Variants in PTPRD observed in about 807,000 individuals in gnomAD.
PTPRD encodes receptor-type tyrosine-protein phosphatase delta.
In PTPRD, 34 loss-of-function variants were observed where a neutral mutation model predicts 214.5. That is an observed-to-expected ratio of 0.16 (90% CI 0.12 to 0.21). PTPRD has a LOEUF of 0.21. Ranked by LOEUF, PTPRD falls within the 10% of genes least tolerant of loss-of-function variation. PTPRD has a pLI of 1.00. For synonymous variants in PTPRD, 1,128 were observed against 845.7 expected, an observed-to-expected ratio of 1.33 and a Z score of -5.79; for missense variants, 2,545 against 2,398.7, an observed-to-expected ratio of 1.06 and a Z score of -1.27.
At chr9:8,648,127 G>C (rs1564966559) in intron 12 of PTPRD, among the ~76,000 whole-genome samples, 1 of 152,206 alleles carries the variant, frequency 6.6e-6, no homozygotes, top group Admixed American at 6.5e-5. Context: ...GGTCAGAGCA[G>C]AAAAGTGGAA....
intron 3 of PTPRD, among the ~76,000 whole-genome samples, chr9:10,233,654 A>C (rs1453991844): frequency 6.6e-6 from 1 of 152,006 alleles, no homozygotes; most frequent in Non-Finnish European, 1.5e-5. Context: ...TCTACAGTTC[A>C]GTATATAGAC....
rs1324523210 is a variant in PTPRD at position 8,328,999 on chromosome 9, G to A, written c.5534+2583C>T. Reference sequence around the variant, plus strand: ...ATGGTCCCTTAGCTCGGAGGAGTTTGTTATTACCCACGTTCTGAAGCTGAC... The same window carrying A: ...ATGGTCCCTTAGCTCGGAGGAGTTTATTATTACCCACGTTCTGAAGCTGAC... On this transcript the variant is annotated intron_variant, in intron 44 of 45. Coordinates refer to ENST00000381196, the MANE Select transcript of PTPRD (RefSeq NM_002839.4). Among the ~76,000 whole-genome samples, 8 of 152,090 alleles carry A rather than the reference G, an allele frequency of 5.3e-5. No homozygotes were observed. The South Asian group carries it at 1.5e-3, about 28-fold the overall frequency.
intron 23 of PTPRD, 41 bp downstream of exon 23, chr9:8,504,220 G>C (rs2097487914): frequency 6.8e-6 from 11 of 1,608,786 alleles, no homozygotes; most frequent in Non-Finnish European, 9.4e-6. Context: ...ATCTCCCCGA[G>C]GAAATAAAAA....
intron 2 of PTPRD, among the ~76,000 whole-genome samples, chr9:10,395,114 A>G (rs994021411): frequency 2.1e-4 from 32 of 151,036 alleles, no homozygotes; most frequent in Middle Eastern, 3.5e-3. Flanking sequence ...TATTATTATT[A>G]TTATACTTAA....
rs543526000 is a variant in PTPRD, at chr9:10,571,538, C to A, written c.-600+40860G>T. Among the ~76,000 whole-genome samples the A allele has an allele frequency of 2.6e-5, 4 of 152,234 alleles. No individual in the cohort carries two copies. The East Asian group carries it at 5.8e-4, about 22-fold the overall frequency. On this transcript the variant is annotated intron_variant, in intron 2 of 45. Coordinates refer to ENST00000381196, the MANE Select transcript of PTPRD (RefSeq NM_002839.4). ...GTTCCCTTACTTATTGGATGACAGACCTTGGAACTGTATTGTTTTCTGTGA... is the reference window on the plus strand; with the variant it reads ...GTTCCCTTACTTATTGGATGACAGAACTTGGAACTGTATTGTTTTCTGTGA...
chr9:8,718,321 G>C (rs909142866), intron 12 of PTPRD, among the ~76,000 whole-genome samples: 9 of 152,156 alleles, frequency 5.9e-5, no homozygotes, highest in Admixed American at 2.6e-4. Flanking sequence ...AGAGAAACTA[G>C]ATCTCAGAAC....
intron 9 of PTPRD, among the ~76,000 whole-genome samples, chr9:9,201,538 C>T (rs2099941840): frequency 6.6e-6 from 1 of 151,720 alleles, no homozygotes; most frequent in African/African-American, 2.4e-5. Context: ...GAATAGAGTA[C>T]TATATTATAG....
At chr9:10,099,224 A>G (rs2098526868) in intron 3 of PTPRD, among the ~76,000 whole-genome samples, 1 of 151,754 alleles carries the variant, frequency 6.6e-6, no homozygotes, top group African/African-American at 2.4e-5. Context: ...CTTCATGGGT[A>G]CAAACCCAGA....
intron 4 of PTPRD, among the ~76,000 whole-genome samples, chr9:10,014,829 C>T (rs2096669577): frequency 6.6e-6 from 1 of 151,990 alleles, no homozygotes; most frequent in African/African-American, 2.4e-5. Flanking sequence ...GTGGTTATTT[C>T]TATATTTAAT....
intron 22 of PTPRD, among the ~76,000 whole-genome samples, chr9:8,504,920 C>T (rs1307795856): frequency 2.6e-5 from 4 of 152,082 alleles, no homozygotes; most frequent in South Asian, 2.1e-4. Context: ...CAGGAGGTTG[C>T]TATAAAAGAG....
intron 9 of PTPRD, among the ~76,000 whole-genome samples, chr9:9,324,914 A>G (rs997611286): frequency 2.6e-5 from 4 of 152,214 alleles, no homozygotes; most frequent in African/African-American, 9.6e-5. Context: ...ACGTATGGCT[A>G]GCCAGTTTTC....
intron 11 of PTPRD, among the ~76,000 whole-genome samples, chr9:8,853,412 A>AT (rs1421788690): frequency 6.6e-6 from 1 of 152,230 alleles, no homozygotes; most frequent in East Asian, 1.9e-4. Flanking sequence ...ATCCATTTTT[A>AT]TTTTTTTAAA....
chr9:8,401,057 T>C (rs1045805952), intron 36 of PTPRD, among the ~76,000 whole-genome samples: 2 of 152,212 alleles, frequency 1.3e-5, no homozygotes, highest in African/African-American at 4.8e-5. Flanking sequence ...CTTTGGATTC[T>C]ACAAGTTTAG....
intron 10 of PTPRD, among the ~76,000 whole-genome samples, chr9:9,072,631 TAGTC>T (rs2154410936): frequency 6.6e-6 from 1 of 152,322 alleles, no homozygotes; most frequent in South Asian, 2.1e-4. Context: ...CTATTCTACA[TAGTC>T]AGTATCTATC....
At chr9:8,805,715 G>T (rs962712551) in intron 11 of PTPRD, among the ~76,000 whole-genome samples, 14 of 151,474 alleles carry the variant, frequency 9.2e-5, no homozygotes, top group African/African-American at 3.4e-4. Context: ...AAATTCTCCT[G>T]CTGGGCACGG....
At chr9:9,699,779 C>T (rs2097456146) in intron 7 of PTPRD, among the ~76,000 whole-genome samples, 1 of 152,076 alleles carries the variant, frequency 6.6e-6, no homozygotes, top group African/African-American at 2.4e-5. Context: ...AAGCAAGAAG[C>T]CATGAAGTAC....
At chr9:8,417,185 T>C (rs747161451) in intron 35 of PTPRD, among the ~76,000 whole-genome samples, 3 of 152,174 alleles carry the variant, frequency 2.0e-5, no homozygotes, top group Non-Finnish European at 4.4e-5. Flanking sequence ...AATATATCGT[T>C]AGATTCTAAC....
At chr9:8,706,434 C>T (rs978391365) in intron 12 of PTPRD, among the ~76,000 whole-genome samples, 4 of 152,186 alleles carry the variant, frequency 2.6e-5, no homozygotes, top group African/African-American at 9.7e-5. Context: ...CACATTTCAG[C>T]AGCTAAAGAC....
chr9:10,038,426 A>C (rs1263143163), intron 3 of PTPRD, among the ~76,000 whole-genome samples: 1 of 152,120 alleles, frequency 6.6e-6, no homozygotes, highest in African/African-American at 2.4e-5. Context: ...CCTTTATTCT[A>C]TTAATTTGAT....
Sources: allele counts gnomAD v4.1 joint callset (sites outside exome capture counted in the v4.1 genomes callset), GRCh38; gene constraint gnomAD v4.1.1; transcripts MANE v1.5; gene names NCBI Gene and HGNC (gene_info 2026-07-23, HGNC 2026-07-21).